Variants in SH3GL2 observed in about 807,000 individuals in gnomAD.
SH3GL2 encodes the protein SH3 domain containing GRB2 like 2, endophilin A1.
Under a neutral mutation model 46.0 loss-of-function variants are expected in SH3GL2, and 24 were observed. The ratio of observed to expected loss-of-function variants is 0.52; its 90% CI spans 0.38 to 0.73. The LOEUF (loss-of-function observed/expected upper bound fraction) is 0.73, where lower values mean the gene tolerates loss of function less well. Ranked by LOEUF, SH3GL2 falls within the 30% of genes least tolerant of loss-of-function variation. The probability of loss-of-function intolerance (pLI) is 0.00; values close to 1 mark genes in which losing one functional copy is unlikely to be tolerated. For synonymous variants in SH3GL2, 196 were observed against 147.1 expected (o/e 1.33, Z -2.40); for missense variants, 413 against 424.2 (o/e 0.97, Z 0.23).
At chr9:17,752,028 CA>C (rs35530244) in intron 2 of SH3GL2, among the ~76,000 whole-genome samples, 1 of 151,560 alleles carries the variant, frequency 6.6e-6, no homozygotes, top group African/African-American at 2.4e-5. Flanking sequence ...AGATTAACAG[CA>C]AAAAAAATAC....
At chr9:17,593,307 G>C (rs1192452418) in intron 1 of SH3GL2, among the ~76,000 whole-genome samples, 1 of 151,864 alleles carries the variant, frequency 6.6e-6, no homozygotes, top group Non-Finnish European at 1.5e-5. Flanking sequence ...TCTGAAGCCA[G>C]TTGTGGGACC....
At chr9:17,628,403 A>G (rs1819334803) in intron 1 of SH3GL2, among the ~76,000 whole-genome samples, 1 of 146,356 alleles carries the variant, frequency 6.8e-6, no homozygotes, top group Non-Finnish European at 1.5e-5. Context: ...CCAGATAACT[A>G]TATCTTGGGT....
chr9:17,712,268 T>C (rs1821646926), intron 1 of SH3GL2, among the ~76,000 whole-genome samples: 1 of 151,840 alleles, frequency 6.6e-6, no homozygotes, highest in African/African-American at 2.4e-5. Context: ...GGCTTGACTA[T>C]TTTCCTAACA....
In SH3GL2 at chr9:17,795,861, GC is replaced by G; in HGVS notation, c.*122del. On this transcript the variant is annotated 3_prime_UTR_variant, in exon 9 of 9. Coordinates refer to ENST00000380607, the MANE Select transcript of SH3GL2 (RefSeq NM_003026.5). ...AGGCCGCAGTGGTCCACGTCATCCA[GC>G]CCCACCAAGTGACTTTGGTTGACTT... 1.3e-6 allele frequency: 1 copy of G among 777,850 alleles called. No individual in the cohort carries two copies. The highest frequency in any genetic ancestry group is 2.1e-6 in the Non-Finnish European group (1 of 480,906). The allele number at this position is 777,850 out of a possible 1,614,324, so 48.2% of individuals were successfully genotyped here. A position where few individuals can be genotyped will look rare whatever the true frequency, so the allele number is the denominator to read the frequency against.
rs538684744 is a variant in SH3GL2, at chr9:17,744,081, G to A, written c.46-2985G>A. Among the ~76,000 whole-genome samples the A allele has an allele frequency of 1.1e-4, 16 of 152,280 alleles. No individual in the cohort carries two copies. In the South Asian group the frequency reaches 3.3e-3, roughly 32 times the overall value. On this transcript the variant is annotated intron_variant, in intron 1 of 8. Transcript: ENST00000380607. ...GCCATGTAGAATGGAGACAACAATT[G>A]ATTTGGGGTTTTGTAGAAAATATTT...
chr9:17,784,109 TATGTGA>T (rs1823888964), intron 3 of SH3GL2, among the ~76,000 whole-genome samples: 1 of 152,170 alleles, frequency 6.6e-6, no homozygotes, highest in African/African-American at 2.4e-5. Context: ...TCTCTTCAGA[TATGTGA>T]ATTAGTAGGC....
rs535157463 is a variant in SH3GL2 at position 17,598,849 on chromosome 9, T to G, written c.45+19562T>G. ...ATGAGGAAACTAAGGCACAGGGAAGTGTAGTGACTCATCCAAAATAATACA... is the reference window on the plus strand; with the variant it reads ...ATGAGGAAACTAAGGCACAGGGAAGGGTAGTGACTCATCCAAAATAATACA... On this transcript the variant is annotated intron_variant, in intron 1 of 8. Coordinates refer to ENST00000380607, the MANE Select transcript of SH3GL2 (RefSeq NM_003026.5). Among the ~76,000 whole-genome samples, 7 of 152,266 alleles carry G rather than the reference T, an allele frequency of 4.6e-5. No homozygotes were observed. In the East Asian group the frequency reaches 1.4e-3, roughly 29 times the overall value.
intron 1 of SH3GL2, among the ~76,000 whole-genome samples, chr9:17,625,926 A>G (rs1297290284): frequency 1.3e-5 from 2 of 152,226 alleles, no homozygotes; most frequent in African/African-American, 4.8e-5. Context: ...AGGCAATTAG[A>G]GAAAACCATG....
At chr9:17,604,871 C>T (rs892208720) in intron 1 of SH3GL2, among the ~76,000 whole-genome samples, 11 of 152,052 alleles carry the variant, frequency 7.2e-5, no homozygotes, top group Admixed American at 7.2e-4. Flanking sequence ...AAGGGGTCAC[C>T]GGACTTCTCT....
At chr9:17,588,173 T>C (rs1025242468) in intron 1 of SH3GL2, among the ~76,000 whole-genome samples, 2 of 152,208 alleles carry the variant, frequency 1.3e-5, no homozygotes, top group African/African-American at 4.8e-5. Context: ...TTCTGCCATC[T>C]GTAACATATG....
intron 1 of SH3GL2, among the ~76,000 whole-genome samples, chr9:17,612,031 A>T (rs1818878172): frequency 6.6e-6 from 1 of 152,158 alleles, no homozygotes; most frequent in African/African-American, 2.4e-5. Flanking sequence ...AGTTGTGCAT[A>T]TGGGGAAATT....
intron 1 of SH3GL2, among the ~76,000 whole-genome samples, chr9:17,656,472 T>C (rs1455753320): frequency 6.6e-6 from 1 of 152,090 alleles, no homozygotes; most frequent in African/African-American, 2.4e-5. Context: ...GCAAGTAACG[T>C]AGATAATCTT....
chr9:17,772,791 G>A (rs1049917518), intron 3 of SH3GL2, among the ~76,000 whole-genome samples: 3 of 152,148 alleles, frequency 2.0e-5, no homozygotes, highest in Non-Finnish European at 4.4e-5. Context: ...TGTGAATAAT[G>A]CTTCTATGAC....
At chr9:17,631,417 G>A (rs1416788048) in intron 1 of SH3GL2, among the ~76,000 whole-genome samples, 1 of 152,206 alleles carries the variant, frequency 6.6e-6, no homozygotes, top group Non-Finnish European at 1.5e-5. Flanking sequence ...TCTGACAACT[G>A]TTCTGGCAGC....
At chr9:17,636,122 T>C (rs756875048) in intron 1 of SH3GL2, among the ~76,000 whole-genome samples, 1 of 152,192 alleles carries the variant, frequency 6.6e-6, no homozygotes, top group African/African-American at 2.4e-5. Context: ...TGGACAAATA[T>C]GCAGGTGCTT....
chr9:17,733,758 G>A (rs571808767), intron 1 of SH3GL2, among the ~76,000 whole-genome samples: 29 of 152,134 alleles, frequency 1.9e-4, no homozygotes, highest in South Asian at 6.2e-4. Context: ...AAGAAAATGC[G>A]GCACATATAC....
At position 17,753,776 on chromosome 9, in the gene SH3GL2, C is replaced by T. The variant is rs547533367; in HGVS notation, c.114+6642C>T. On this transcript the variant is annotated intron_variant, in intron 2 of 8. Coordinates refer to ENST00000380607, the MANE Select transcript of SH3GL2 (RefSeq NM_003026.5). ...TGCCTATGTCCTCAATGGTATTTTGCCTAGGTTGTCTTTCAGGGTTTTTAT... is the reference window on the plus strand; with the variant it reads ...TGCCTATGTCCTCAATGGTATTTTGTCTAGGTTGTCTTTCAGGGTTTTTAT... Among the ~76,000 whole-genome samples, 9 of 152,202 alleles carry T rather than the reference C, an allele frequency of 5.9e-5. No individual in the cohort carries two copies. The South Asian group carries it at 1.7e-3, about 28-fold the overall frequency.
intron 6 of SH3GL2, among the ~76,000 whole-genome samples, chr9:17,791,018 G>T (rs530202300): frequency 2.6e-5 from 4 of 152,092 alleles, no homozygotes; most frequent in Non-Finnish European, 5.9e-5. Context: ...GTACTGATAC[G>T]CATGATTCTA....
chr9:17,639,760 A>G (rs957381543), intron 1 of SH3GL2, among the ~76,000 whole-genome samples: 4 of 152,240 alleles, frequency 2.6e-5, no homozygotes, highest in African/African-American at 4.8e-5. Context: ...TAATTATGGT[A>G]TGTCTGTACT....
Sources: gnomAD v4.1 joint callset for allele counts (sites outside exome capture counted in the v4.1 genomes callset) on GRCh38, gnomAD v4.1.1 for gene constraint, MANE v1.5 for transcripts, NCBI Gene and HGNC (gene_info 2026-07-23, HGNC 2026-07-21) for gene names.